Variants in SHANK2 observed in about 807,000 individuals in gnomAD.
SHANK2 encodes SH3 and multiple ankyrin repeat domains 2.
A neutral mutation model predicts 133.7 loss-of-function variants in SHANK2; 43 were observed. The observed-to-expected ratio is 0.32, with a 90% confidence interval of 0.25 to 0.41. SHANK2 has a LOEUF of 0.41. SHANK2 is among the 10% of genes least tolerant of loss of function. The pLI is 1.00. For synonymous variants in SHANK2, 1,017 were observed against 952.8 expected, an observed-to-expected ratio of 1.07 and a Z score of -1.24; for missense variants, 1,994 against 2,235.8, an observed-to-expected ratio of 0.89 and a Z score of 2.18.
intron 17 of SHANK2, among the ~76,000 whole-genome samples, chr11:70,540,377 C>T (rs1565112296): frequency 6.6e-6 from 1 of 151,778 alleles, no homozygotes; most frequent in South Asian, 2.1e-4. Flanking sequence ...GGCTGGGGCC[C>T]CTCCCTCCTG....
chr11:70,478,890 G>A (rs1555150800), intron 25 of SHANK2, among the ~76,000 whole-genome samples: 1 of 152,210 alleles, frequency 6.6e-6, no homozygotes, highest in East Asian at 1.9e-4. Context: ...GAGGCTCCGC[G>A]GCAGTTCCAC....
chr11:70,805,780 G>T (rs1447158172), intron 13 of SHANK2, among the ~76,000 whole-genome samples: 1 of 152,214 alleles, frequency 6.6e-6, no homozygotes, highest in East Asian at 1.9e-4. Flanking sequence ...CATGATTTAT[G>T]AAATTATAAA....
chr11:70,942,170 G>A (rs1487067559), intron 10 of SHANK2, among the ~76,000 whole-genome samples: 3 of 152,068 alleles, frequency 2.0e-5, no homozygotes, highest in Non-Finnish European at 4.4e-5. Flanking sequence ...CTGGGCGACA[G>A]TGTGAGACTC....
chr11:71,232,770 G>A (rs986293870), intron 1 of SHANK2, among the ~76,000 whole-genome samples: 9 of 152,126 alleles, frequency 5.9e-5, no homozygotes, highest in African/African-American at 1.4e-4. Context: ...TTATCTGTAC[G>A]ATTTCCAGTA....
chr11:71,072,469 C>G (rs1951156327), intron 9 of SHANK2, among the ~76,000 whole-genome samples: 1 of 152,218 alleles, frequency 6.6e-6, no homozygotes, highest in South Asian at 2.1e-4. Context: ...CTCCTCGGCT[C>G]TCACACTTGG....
At chr11:70,701,461 G>C (rs1251972854) in intron 14 of SHANK2, among the ~76,000 whole-genome samples, 2 of 152,160 alleles carry the variant, frequency 1.3e-5, no homozygotes, top group African/African-American at 4.8e-5. Flanking sequence ...GAGTGCAGTG[G>C]TGCGATCTCA....
rs139230905 is a variant in SHANK2 at position 70,524,213 on chromosome 11, A to C, written c.2062-21282T>G. ...TCCCCTCTCTACCAGGAGAGTAACC[A>C]AGAGCAGTCCCACCCCCTGGGGGGC... On this transcript the variant is annotated intron_variant, in intron 17 of 25. Coordinates refer to ENST00000601538, the MANE Select transcript of SHANK2 (RefSeq NM_012309.5). Among the ~76,000 whole-genome samples the C allele has an allele frequency of 4.9e-4, 75 of 152,288 alleles. 1 individual carries two copies. The highest frequency in any genetic ancestry group is 1.7e-3 in the African/African-American group (71 of 41,570).
intron 13 of SHANK2, among the ~76,000 whole-genome samples, chr11:70,801,827 G>A (rs559465914): frequency 5.3e-5 from 8 of 152,288 alleles, no homozygotes; most frequent in Non-Finnish European, 1.2e-4. Context: ...GAATTCTGGA[G>A]TCTGGAGTCC....
rs1293396661 is a variant in SHANK2, at chr11:70,473,442, G to A, written c.4980-3C>T. ...TGGTGCTCATGATCTCCGGGCTTCT[G>A]AAACAGCAACACAGAGAAAACCATC... On this transcript the variant is annotated splice_polypyrimidine_tract_variant and splice_region_variant and intron_variant, in intron 25 of 25. Coordinates refer to ENST00000601538, the MANE Select transcript of SHANK2 (RefSeq NM_012309.5). This position sits in a 1 kb window ranked among gnomAD's most constrained non-coding sequence, Gnocchi z 5.9. 6.2e-7 allele frequency: 1 copy of A among 1,601,602 alleles called. No individual in the cohort carries two copies. The highest frequency in any genetic ancestry group is 8.5e-7 in the Non-Finnish European group (1 of 1,179,864).
intron 17 of SHANK2, among the ~76,000 whole-genome samples, chr11:70,523,035 C>A (rs928513858): frequency 1.3e-5 from 2 of 152,188 alleles, no homozygotes. Context: ...AGAGGGCTTG[C>A]GGGTGCAAGG....
chr11:70,565,880 G>A (rs1190734701), intron 17 of SHANK2, among the ~76,000 whole-genome samples: 2 of 151,808 alleles, frequency 1.3e-5, no homozygotes, highest in African/African-American at 2.4e-5. Context: ...ATGGAAAATC[G>A]CAAACATAAA....
chr11:71,110,563 T>C (rs1951877547), intron 5 of SHANK2, among the ~76,000 whole-genome samples: 1 of 152,164 alleles, frequency 6.6e-6, no homozygotes, highest in Non-Finnish European at 1.5e-5. Flanking sequence ...GCCTCTGCAC[T>C]CCAGCCTGGG....
At chr11:71,160,666 G>A (rs1357693779) in intron 2 of SHANK2, among the ~76,000 whole-genome samples, 7 of 152,218 alleles carry the variant, frequency 4.6e-5, no homozygotes, top group Non-Finnish European at 5.9e-5. Context: ...TATCTATTCT[G>A]TTATAGCCTG....
At chr11:70,588,682 G>C (rs1554987348) in intron 17 of SHANK2, among the ~76,000 whole-genome samples, 3 of 152,232 alleles carry the variant, frequency 2.0e-5, no homozygotes, top group Non-Finnish European at 2.9e-5. Context: ...AAGAAAAGAA[G>C]CTGTGTTCTG....
At chr11:70,742,941 C>T (rs1208136446) in intron 14 of SHANK2, among the ~76,000 whole-genome samples, 1 of 152,236 alleles carries the variant, frequency 6.6e-6, no homozygotes. Flanking sequence ...TGAGCCGGCT[C>T]CTGGCCTGGC....
At chr11:70,806,726 T>G (rs1358294664) in intron 13 of SHANK2, among the ~76,000 whole-genome samples, 6 of 152,206 alleles carry the variant, frequency 3.9e-5, no homozygotes, top group Admixed American at 3.9e-4. Context: ...GATGCCCTCA[T>G]CTGGCTCCCC....
In SHANK2 at chr11:70,716,760, C is replaced by T. The variant is rs976807626; in HGVS notation, c.1778-17997G>A. Among the ~76,000 whole-genome samples, 9 of 152,180 alleles carry T rather than the reference C, an allele frequency of 5.9e-5. No individual in the cohort carries two copies. In the East Asian group the frequency reaches 9.6e-4, roughly 16 times the overall value. On this transcript the variant is annotated intron_variant, in intron 14 of 25. Transcript: ENST00000601538. ...GAGTTGCCAGGCGGGTGAAGACCAG[C>T]GGGGAGACTGGGCAGGGGTCACCGT...
intron 5 of SHANK2, among the ~76,000 whole-genome samples, chr11:71,112,864 T>A (rs1474664354): frequency 1.3e-5 from 2 of 152,192 alleles, no homozygotes; most frequent in African/African-American, 2.4e-5. Flanking sequence ...ACGCCCCTGC[T>A]GCTCACCTGC....
At chr11:70,912,648 A>C (rs1555079244) in intron 10 of SHANK2, among the ~76,000 whole-genome samples, 1 of 152,172 alleles carries the variant, frequency 6.6e-6, no homozygotes, top group African/African-American at 2.4e-5. Context: ...ACGATGATAC[A>C]TCTCTAAACA....
Sources: allele counts gnomAD v4.1 joint callset (sites outside exome capture counted in the v4.1 genomes callset), GRCh38; gene constraint gnomAD v4.1.1; non-coding constraint Gnocchi (gnomAD v3.1); transcripts MANE v1.5; gene names NCBI Gene and HGNC (gene_info 2026-07-23, HGNC 2026-07-21).